MAP3K15: variants seen among roughly 807,000 people sequenced by gnomAD.
MAP3K15 encodes mitogen-activated protein kinase kinase kinase 15.
A neutral mutation model predicts 99.5 loss-of-function variants in MAP3K15; 124 were observed. The observed-to-expected ratio is 1.25, with a 90% CI of 1.08 to 1.45. The LOEUF is 1.45. Among genes scored for constraint, MAP3K15 ranks in the 40% most tolerant of loss-of-function variants. The pLI is 0.00. For synonymous variants in MAP3K15, 494 were observed against 439.6 expected (o/e 1.12, Z -1.55); for missense variants, 1,242 against 1,079.7 (o/e 1.15, Z -2.11).
At chrX:19,384,153 C>A (rs1267260571) in intron 18 of MAP3K15, among the ~76,000 whole-genome samples, 1 of 111,616 alleles carries the variant, frequency 9.0e-6, no homozygotes, top group African/African-American at 3.3e-5. Flanking sequence ...TACCATTCAG[C>A]CATTAAAAGA....
intron 3 of MAP3K15, among the ~76,000 whole-genome samples, chrX:19,478,870 T>C (rs1411691115): frequency 9.1e-6 from 1 of 110,446 alleles, no homozygotes; most frequent in Admixed American, 9.7e-5. Context: ...TAAAGTCCAA[T>C]GTACTTTTAA....
chrX:19,475,692 C>T (rs1017358312), intron 3 of MAP3K15, among the ~76,000 whole-genome samples: 2 of 111,539 alleles, frequency 1.8e-5, no homozygotes, highest in African/African-American at 3.3e-5. Flanking sequence ...ATGTCAGAGC[C>T]TCCACTCAAT....
intron 1 of MAP3K15, among the ~76,000 whole-genome samples, chrX:19,495,164 A>G (rs777441254): frequency 9.0e-6 from 1 of 111,389 alleles, no homozygotes; most frequent in East Asian, 2.8e-4. Flanking sequence ...GGCATGCACC[A>G]CCATGCCTGG....
Position 19,399,854 on chromosome X carries a change from G to A in MAP3K15, c.1932+722C>T, listed in dbSNP as rs575500249. Among the ~76,000 whole-genome samples the A allele has an allele frequency of 9.2e-5, 10 of 108,355 alleles. No individual in the cohort carries two copies. The South Asian group carries it at 1.7e-3, about 18-fold the overall frequency. The allele number at this position is 108,355 out of a possible 115,157, so 94.1% of individuals were successfully genotyped here. The stretch of plus-strand genomic sequence containing the variant: ...AGACTTTTACCTCACACCTCCCTCC[G>A]ATTCCCACACCTGCTGCCCTCAAAG... On this transcript the variant is annotated intron_variant, in intron 14 of 28. Transcript: ENST00000338883.
At chrX:19,400,832 T>C (rs917661260) in intron 13 of MAP3K15, among the ~76,000 whole-genome samples, 169 bp from the exon 14 acceptor site, 7 of 111,866 alleles carry the variant, frequency 6.3e-5, no homozygotes, top group Non-Finnish European at 1.1e-4. Context: ...TTATCAAATC[T>C]AGGGCAACTA....
chrX:19,393,251 C>T (rs1184640017), intron 16 of MAP3K15, among the ~76,000 whole-genome samples: 1 of 111,395 alleles, frequency 9.0e-6, no homozygotes, highest in East Asian at 2.8e-4. Flanking sequence ...TTGGTTTCCC[C>T]ATCTATAAAA....
intron 4 of MAP3K15, among the ~76,000 whole-genome samples, 190 bp from the exon 5 acceptor site, chrX:19,460,343 C>T (rs1006212196): frequency 9.0e-6 from 1 of 111,588 alleles, no homozygotes; most frequent in Non-Finnish European, 1.9e-5. Context: ...CAATGAATGA[C>T]AAGTAAAAAT....
chrX:19,427,015 G>C (rs1157293500), intron 7 of MAP3K15, among the ~76,000 whole-genome samples: 2 of 110,216 alleles, frequency 1.8e-5, no homozygotes, highest in Middle Eastern at 4.2e-3. Flanking sequence ...ACCACGATTT[G>C]ATGTCTGGAG....
intron 1 of MAP3K15, chrX:19,496,919 G>A (rs1296909319): frequency 9.0e-6 from 1 of 110,980 alleles, no homozygotes; most frequent in Non-Finnish European, 1.9e-5. Flanking sequence ...CATAGCCTGT[G>A]GGAGTGGTGA....
chrX:19,486,941 C>T (rs1384596218), intron 2 of MAP3K15, among the ~76,000 whole-genome samples: 1 of 111,091 alleles, frequency 9.0e-6, no homozygotes, highest in African/African-American at 3.3e-5. Context: ...CTTCCTGAAT[C>T]AATCAATGTG....
At chrX:19,378,076 C>T (rs2063432932) in intron 19 of MAP3K15, among the ~76,000 whole-genome samples, 1 of 112,575 alleles carries the variant, frequency 8.9e-6, no homozygotes, top group Non-Finnish European at 1.9e-5. Context: ...GAAACCTGCA[C>T]TCACACCTCC....
Position 19,460,074 on chromosome X carries a change from G to A in MAP3K15, c.799C>T (p.Leu267=), listed in dbSNP as rs969787216. 2 of 1,194,465 alleles carry A rather than the reference G, an allele frequency of 1.7e-6. No homozygotes were observed. The highest frequency in any genetic ancestry group is 2.2e-6 in the Non-Finnish European group (2 of 892,280). Residue 267 remains leucine (L), a synonymous_variant, in exon 5 of 29, where the codon CTA becomes TTA. Transcript: ENST00000338883. ...KYQGEELAKE[L]ARIKLRMDNT... ...TCCATGCGGAGCTTGATCCGAGCTA[G>A]CTCCTTCGCCAGTTCCTCACCTTGG...
In MAP3K15 at chrX:19,370,971, TGGTGACCGCGGCCTGCACCGCTC is replaced by T; in HGVS notation, c.3365_3387del (p.Arg1122HisfsTer11). 8.4e-7 allele frequency: 1 copy of T among 1,188,121 alleles called. No homozygotes were observed. The highest frequency in any genetic ancestry group is 1.1e-6 in the Non-Finnish European group (1 of 885,378). On this transcript the variant is annotated frameshift_variant, in exon 24 of 29. Coordinates refer to ENST00000338883, the MANE Select transcript of MAP3K15 (RefSeq NM_001001671.4). LOFTEE classifies it high-confidence loss of function. Reference sequence around the variant, plus strand: ...AGGGGGCGCTCACCTGGGATGAGAATGGTGACCGCGGCCTGCACCGCTCGGCGGATGATGTTGTCCATCGCGAA... The same window carrying T: ...AGGGGGCGCTCACCTGGGATGAGAATGGCGGATGATGTTGTCCATCGCGAA...
chrX:19,364,893 C>CAAAAAAAAAAA (rs781622051), intron 25 of MAP3K15, among the ~76,000 whole-genome samples: 17 of 38,478 alleles, frequency 4.4e-4, no homozygotes, highest in African/African-American at 1.6e-3. Flanking sequence ...AACTCTGTCT[C>CAAAAAAAAAAA]AAAAAAAAAA....
chrX:19,435,820 G>C (rs1004557703), intron 6 of MAP3K15, among the ~76,000 whole-genome samples: 10 of 112,194 alleles, frequency 8.9e-5, no homozygotes, highest in African/African-American at 3.2e-4. Context: ...TTAAGAGAAG[G>C]AAACTTTGAC....
chrX:19,392,212 G>C, intron 17 of MAP3K15, 105 bp from the exon 18 acceptor site: 1 of 1,040,067 alleles, frequency 9.6e-7, no homozygotes, highest in Non-Finnish European at 1.3e-6. Context: ...AGGAAAACTA[G>C]ACTTTGCATT....
At position 19,451,595 on chromosome X, in the gene MAP3K15, A is replaced by G. The variant is rs897464179; in HGVS notation, c.995+5318T>C. ...GAAAAGATGCTCAGTGTCACTAATC[A>G]GAGAAACGTCCATTGAAACTACAAT... On this transcript the variant is annotated intron_variant, in intron 6 of 28. Coordinates refer to ENST00000338883, the MANE Select transcript of MAP3K15 (RefSeq NM_001001671.4). Among the ~76,000 whole-genome samples, 4 of 109,784 alleles carry G rather than the reference A, an allele frequency of 3.6e-5. No individual in the cohort carries two copies. In the East Asian group the frequency reaches 1.1e-3, roughly 31 times the overall value.
chrX:19,487,706 C>A (rs1054254933), intron 2 of MAP3K15, among the ~76,000 whole-genome samples: 3 of 111,885 alleles, frequency 2.7e-5, no homozygotes, highest in Admixed American at 1.9e-4. Flanking sequence ...ACATCTCAAG[C>A]AGGTGGTATT....
intron 1 of MAP3K15, among the ~76,000 whole-genome samples, chrX:19,489,411 C>T (rs1277559475): frequency 3.6e-5 from 4 of 110,858 alleles, no homozygotes; most frequent in East Asian, 2.9e-4. Context: ...CATTTCTGTC[C>T]GGATCTATGT....
Sources: allele counts gnomAD v4.1 joint callset (sites outside exome capture counted in the v4.1 genomes callset), GRCh38; gene constraint gnomAD v4.1.1; transcripts MANE v1.5; gene names NCBI Gene and HGNC (gene_info 2026-07-23, HGNC 2026-07-21).